ANKRD27: variants seen among roughly 807,000 people sequenced by gnomAD.
The protein encoded by ANKRD27 is ankyrin repeat domain 27.
A neutral mutation model predicts 129.7 loss-of-function variants in ANKRD27; 112 were observed. The observed-to-expected ratio is 0.86, with a 90% confidence interval of 0.74 to 1.01. The LOEUF (loss-of-function observed/expected upper bound fraction) is 1.01. Among genes scored for constraint, ANKRD27 ranks in the 50% least tolerant of loss-of-function variants. The pLI is 0.00. For synonymous variants in ANKRD27, 516 were observed against 511.2 expected, an observed-to-expected ratio of 1.01 and a Z score of -0.13; for missense variants, 1,258 against 1,300.5, an observed-to-expected ratio of 0.97 and a Z score of 0.50.
At chr19:32,633,230 G>T (rs4805006) in intron 12 of ANKRD27, among the ~76,000 whole-genome samples, 85,265 of 151,850 alleles carry the variant, frequency 0.56, 24,091 homozygotes, top group East Asian at 0.63. Context: ...CTAAAGAAAT[G>T]GGTAAATCCT....
At chr19:32,644,883 T>A (rs187703149) in intron 4 of ANKRD27, among the ~76,000 whole-genome samples, 80 of 152,336 alleles carry the variant, frequency 5.3e-4, no homozygotes, top group Non-Finnish European at 1.0e-3. Flanking sequence ...AAGCTGGGGC[T>A]ACTGCTTTGC....
At chr19:32,600,148 A>G (rs372688508) in intron 26 of ANKRD27, 98 bp from the exon 27 acceptor site, 1 of 963,380 alleles carries the variant, frequency 1.0e-6, no homozygotes, top group Non-Finnish European at 1.6e-6. Flanking sequence ...TCTCAGATTT[A>G]CAAAATTTAG....
intron 17 of ANKRD27, among the ~76,000 whole-genome samples, chr19:32,624,614 G>A (rs775568757): frequency 3.3e-5 from 5 of 152,116 alleles, no homozygotes; most frequent in Non-Finnish European, 7.3e-5. Flanking sequence ...GAAACAGGAC[G>A]TGAAAATGGA....
At chr19:32,639,583 A>C in intron 11 of ANKRD27, 95 bp from the exon 12 acceptor site, 2 of 1,375,176 alleles carry the variant, frequency 1.5e-6, no homozygotes, top group South Asian at 2.6e-5. Flanking sequence ...TCAAATATCT[A>C]GTCAGTTGGT....
At chr19:32,622,666 TCGA>T (rs764950418) in intron 17 of ANKRD27, 47 bp from the exon 18 acceptor site, 1 of 1,596,078 alleles carries the variant, frequency 6.3e-7, no homozygotes, top group South Asian at 1.1e-5. Flanking sequence ...GTACCAAGCC[TCGA>T]CAAGGTCCGT....
chr19:32,625,921 T>A lies in ANKRD27; in HGVS notation c.1582A>T (p.Asn528Tyr), dbSNP rs1173314120. 1 of 1,610,862 alleles carries A rather than the reference T, an allele frequency of 6.2e-7. No individual in the cohort carries two copies. Among genetic ancestry groups the A allele is most frequent in the Non-Finnish European group, 8.5e-7 (1 of 1,178,984 alleles). ...YKASAEVQDN[N>Y]GNTPLHLACT... ...GCCAGGTGGAGTGGCGTATTCCCATTGTTGTCCTGCACTTCCGCGCTGGCC... is the reference window on the plus strand; with the variant it reads ...GCCAGGTGGAGTGGCGTATTCCCATAGTTGTCCTGCACTTCCGCGCTGGCC... The change falls in exon 17 of 29, where the codon AAT becomes TAT. Residue 528 changes from asparagine to tyrosine, a missense_variant. Transcript: ENST00000306065.
rs115835611 is a variant in ANKRD27 at position 32,631,144 on chromosome 19, G to A, written c.1209+258C>T. Among the ~76,000 whole-genome samples, 1,248 of 151,930 alleles carry A rather than the reference G, an allele frequency of 8.2e-3. 14 individuals are homozygous for A. The highest frequency in any genetic ancestry group is 0.028 in the African/African-American group (1,174 of 41,408). On this transcript the variant is annotated intron_variant, in intron 13 of 28. Transcript: ENST00000306065. ...AACGATTCTCCTGCCTCAGCCTCCC[G>A]AATAGTGAGACTACAGGCATGTGTC...
intron 22 of ANKRD27, among the ~76,000 whole-genome samples, chr19:32,613,706 CTTTTTTTT>C (rs58394462): frequency 7.5e-6 from 1 of 132,994 alleles, no homozygotes; most frequent in Non-Finnish European, 1.6e-5. Context: ...ATTTATGTAA[CTTTTTTTT>C]TTTTTTTTTT....
Position 32,643,495 on chromosome 19 carries a change from A to G in ANKRD27, c.586-11T>C. 1 of 1,613,902 alleles carries G rather than the reference A, an allele frequency of 6.2e-7. No homozygotes were observed. The highest frequency in any genetic ancestry group is 8.5e-7 in the Non-Finnish European group (1 of 1,179,994). On this transcript the variant is annotated splice_polypyrimidine_tract_variant and intron_variant, in intron 6 of 28. Transcript: ENST00000306065. ...CTTGGCGAGCATTTTCTAGAGGGCA[A>G]GAAAAGCACAGTGAAAGGGCTTGGA...
At chr19:32,610,317 A>C (rs1274094788) in intron 22 of ANKRD27, among the ~76,000 whole-genome samples, 1 of 151,660 alleles carries the variant, frequency 6.6e-6, no homozygotes, top group Non-Finnish European at 1.5e-5. Flanking sequence ...TCAAAAAATA[A>C]ATAAATAAAT....
At chr19:32,664,617 A>AAATAATAATAATAATAAT (rs3042684) in intron 1 of ANKRD27, among the ~76,000 whole-genome samples, 9 of 128,328 alleles carry the variant, frequency 7.0e-5, no homozygotes, top group Non-Finnish European at 1.3e-4. Flanking sequence ...CTCCATCCCC[A>AAATAATAATAATAATAAT]AATAATAATA....
chr19:32,670,113 G>A (rs1466360948), intron 1 of ANKRD27, among the ~76,000 whole-genome samples: 3 of 152,110 alleles, frequency 2.0e-5, no homozygotes, highest in African/African-American at 7.2e-5. Flanking sequence ...CAAGAGACAG[G>A]AAGGTCACTG....
intron 22 of ANKRD27, among the ~76,000 whole-genome samples, chr19:32,613,706 C>CTTTTTTTTT (rs58394462): frequency 7.5e-6 from 1 of 132,994 alleles, no homozygotes; most frequent in Non-Finnish European, 1.6e-5. Context: ...ATTTATGTAA[C>CTTTTTTTTT]TTTTTTTTTT....
intron 4 of ANKRD27, among the ~76,000 whole-genome samples, chr19:32,645,291 A>G (rs899615675): frequency 6.6e-6 from 1 of 151,970 alleles, no homozygotes; most frequent in Non-Finnish European, 1.5e-5. Context: ...GGGCGCCTGT[A>G]ATCCCCGCTA....
At chr19:32,672,209 C>T (rs1967884263) in intron 1 of ANKRD27, among the ~76,000 whole-genome samples, 5 of 152,218 alleles carry the variant, frequency 3.3e-5, no homozygotes. Flanking sequence ...GCAGTATTCT[C>T]CATTTGGTCT....
chr19:32,599,047 A>G (rs1414683694), intron 28 of ANKRD27, among the ~76,000 whole-genome samples: 1 of 152,228 alleles, frequency 6.6e-6, no homozygotes, highest in Middle Eastern at 3.2e-3. Context: ...TGGGAGGCCA[A>G]AGCGGGCAGA....
chr19:32,648,213 C>T (rs944429596), intron 3 of ANKRD27, among the ~76,000 whole-genome samples: 1 of 151,918 alleles, frequency 6.6e-6, no homozygotes, highest in African/African-American at 2.4e-5. Context: ...TTGCAGTGAG[C>T]TGAGATCAAG....
rs1401705857 is a variant in ANKRD27, at chr19:32,631,452, T to C, written c.1159A>G (p.Met387Val). Reference protein sequence around the residue: ...FGDRLFLKQRMSLLSQMTSSP... With the variant: ...FGDRLFLKQRVSLLSQMTSSP... ...GAAGTCATCTGAGAGAGTAAGCTCA[T>C]TCTCTGCTTAAGGAACAGCCTGTCT... Residue 387 changes from methionine to valine, a missense_variant, in exon 13 of 29, where the codon ATG becomes GTG. By Grantham distance (21) the Met-to-Val change is conservative. Coordinates refer to ENST00000306065, the MANE Select transcript of ANKRD27 (RefSeq NM_032139.3). 1.2e-6 allele frequency: 2 copies of C among 1,614,052 alleles called. No homozygotes were observed. Among genetic ancestry groups the C allele is most frequent in the South Asian group, 2.2e-5 (2 of 91,086 alleles).
At position 32,598,232 on chromosome 19, in the gene ANKRD27, G is replaced by GT. The variant is rs1430983409; in HGVS notation, c.3065dup (p.His1022GlnfsTer25). 1 of 1,614,166 alleles carries GT rather than the reference G, an allele frequency of 6.2e-7. No homozygotes were observed. Among genetic ancestry groups the GT allele is most frequent in the East Asian group, 2.2e-5 (1 of 44,876 alleles). Reference sequence around the variant, plus strand: ...GGGACACGACCGCATCCTCTACCGTGTGTCTCCGCAGCATCCGTCTGTGTC... The same window carrying GT: ...GGGACACGACCGCATCCTCTACCGTGTTGTCTCCGCAGCATCCGTCTGTGTC... On this transcript the variant is annotated frameshift_variant, in exon 29 of 29. Coordinates refer to ENST00000306065, the MANE Select transcript of ANKRD27 (RefSeq NM_032139.3). LOFTEE classifies it low-confidence loss of function (END_TRUNC).
Sources: allele counts gnomAD v4.1 joint callset (sites outside exome capture counted in the v4.1 genomes callset), GRCh38; gene constraint gnomAD v4.1.1; transcripts MANE v1.5; gene names NCBI Gene and HGNC (gene_info 2026-07-23, HGNC 2026-07-21).